TGFBR3: variants seen among roughly 807,000 people sequenced by gnomAD.
TGFBR3 encodes transforming growth factor beta receptor 3.
A neutral mutation model predicts 87.9 loss-of-function variants in TGFBR3; 46 were observed. The observed-to-expected ratio is 0.52, with a 90% CI of 0.41 to 0.67. The LOEUF (loss-of-function observed/expected upper bound fraction) is 0.67, where lower values mean the gene tolerates loss of function less well. Among genes scored for constraint, TGFBR3 ranks in the 30% least tolerant of loss-of-function variants. The pLI, the probability that TGFBR3 is intolerant of heterozygous loss-of-function variation, is 0.00. For missense variants in TGFBR3, 866 were observed against 1,041.9 expected, an observed-to-expected ratio of 0.83 and a Z score of 2.32; for synonymous variants, 381 against 391.6, an observed-to-expected ratio of 0.97 and a Z score of 0.32.
intron 14 of TGFBR3, among the ~76,000 whole-genome samples, chr1:91,701,764 C>A (rs1169796684): frequency 6.6e-6 from 1 of 152,112 alleles, no homozygotes; most frequent in East Asian, 1.9e-4. Flanking sequence ...CCAACTGGTA[C>A]CCACATCTAT....
chr1:91,725,756 T>C (rs1672528023), intron 7 of TGFBR3, among the ~76,000 whole-genome samples: 1 of 152,208 alleles, frequency 6.6e-6, no homozygotes, highest in South Asian at 2.1e-4. Flanking sequence ...GGAGTAGTAA[T>C]TGGAAATGGG....
At chr1:91,719,510 TTC>T in intron 9 of TGFBR3, 46 bp from the exon 10 acceptor site, 1 of 1,611,710 alleles carries the variant, frequency 6.2e-7, no homozygotes, top group South Asian at 1.1e-5. Context: ...CCACAGGCAG[TTC>T]TGTTGTATAA....
intron 2 of TGFBR3, among the ~76,000 whole-genome samples, chr1:91,834,527 G>A (rs10874996): frequency 0.29 from 43,552 of 151,982 alleles, 7,015 homozygotes; most frequent in African/African-American, 0.43. Flanking sequence ...TTTGAATACC[G>A]AACACCTACT....
At chr1:91,773,089 A>G (rs950686776) in intron 3 of TGFBR3, among the ~76,000 whole-genome samples, 1 of 152,144 alleles carries the variant, frequency 6.6e-6, no homozygotes, top group African/African-American at 2.4e-5. Context: ...CATTCATTTT[A>G]AAAAGGGGGT....
intron 2 of TGFBR3, among the ~76,000 whole-genome samples, chr1:91,822,228 C>T (rs924790407): frequency 4.4e-4 from 65 of 146,456 alleles, no homozygotes; most frequent in African/African-American, 1.6e-3. Flanking sequence ...TATTCTTCTA[C>T]TGCCAAACAG....
At chr1:91,780,113 A>C (rs1349072763) in intron 3 of TGFBR3, among the ~76,000 whole-genome samples, 1 of 152,120 alleles carries the variant, frequency 6.6e-6, no homozygotes, top group African/African-American at 2.4e-5. Context: ...CCTCCATCTC[A>C]CAATTCTTAA....
chr1:91,712,014 C>T (rs1671997008), intron 13 of TGFBR3, among the ~76,000 whole-genome samples: 1 of 152,146 alleles, frequency 6.6e-6, no homozygotes, highest in African/African-American at 2.4e-5. Flanking sequence ...TGATTTATCA[C>T]TCGTAAGGTA....
At chr1:91,702,318 T>C (rs1671648469) in intron 14 of TGFBR3, among the ~76,000 whole-genome samples, 1 of 152,132 alleles carries the variant, frequency 6.6e-6, no homozygotes, top group African/African-American at 2.4e-5. Context: ...TCCCCAGCAA[T>C]GCAACCTTCA....
intron 2 of TGFBR3, among the ~76,000 whole-genome samples, chr1:91,891,623 T>A (rs1412685207): frequency 6.6e-6 from 1 of 152,192 alleles, no homozygotes; most frequent in Non-Finnish European, 1.5e-5. Context: ...ATTTAAAGTT[T>A]GTCTAATACA....
rs574075836 is a variant in TGFBR3 at position 91,821,265 on chromosome 1, A to C, written c.62-23794T>G. On this transcript the variant is annotated intron_variant, in intron 2 of 16. Coordinates refer to ENST00000212355, the MANE Select transcript of TGFBR3 (RefSeq NM_003243.5). ...GAATCACTTGAACCTGGGAGACAGA[A>C]GTTGGAGTGAGCCGAGATCATGCCA... 1.4e-4 allele frequency among the ~76,000 whole-genome samples: 21 copies of C among 148,806 alleles called. No homozygotes were observed. In the South Asian group the frequency reaches 4.1e-3, roughly 29 times the overall value.
chr1:91,879,675 C>T (rs1678996968), intron 1 of TGFBR3, among the ~76,000 whole-genome samples: 1 of 152,126 alleles, frequency 6.6e-6, no homozygotes, highest in Non-Finnish European at 1.5e-5. Flanking sequence ...GAGAGCAAGA[C>T]ATCAAAATCA....
chr1:91,757,344 T>C (rs1673781100), intron 4 of TGFBR3, among the ~76,000 whole-genome samples: 1 of 152,274 alleles, frequency 6.6e-6, no homozygotes, highest in South Asian at 2.1e-4. Context: ...AGCGTCCATC[T>C]GCCCCACATT....
At chr1:91,712,865 T>C (rs549571721) in intron 12 of TGFBR3, among the ~76,000 whole-genome samples, 1 of 152,240 alleles carries the variant, frequency 6.6e-6, no homozygotes, top group South Asian at 2.1e-4. Flanking sequence ...ATTTTGCATT[T>C]AAAGTGGATT....
chr1:91,813,641 C>T (rs967029850), intron 2 of TGFBR3, among the ~76,000 whole-genome samples: 2 of 152,188 alleles, frequency 1.3e-5, no homozygotes, highest in African/African-American at 4.8e-5. Flanking sequence ...CCAGTGCTCC[C>T]TGGTCCAGGT....
At chr1:91,860,164 T>C (rs1678125589) in intron 2 of TGFBR3, among the ~76,000 whole-genome samples, 1 of 152,160 alleles carries the variant, frequency 6.6e-6, no homozygotes, top group Non-Finnish European at 1.5e-5. Flanking sequence ...ACCTAATCTC[T>C]CCATATCTCA....
chr1:91,716,160 G>A, intron 12 of TGFBR3, 76 bp downstream of exon 12: 1 of 1,568,982 alleles, frequency 6.4e-7, no homozygotes, highest in South Asian at 1.1e-5. Context: ...GGTCTGTACA[G>A]GGTATTTTAG....
rs773461003 is a variant in TGFBR3, at chr1:91,766,799, C to T, written c.247-8049G>A. ...TCCTAAGGGTTTTGTTTGAGAGTTG[C>T]ATGAGCAGATCCTGAATTCCAACGG... On this transcript the variant is annotated intron_variant, in intron 3 of 16. Coordinates refer to ENST00000212355, the MANE Select transcript of TGFBR3 (RefSeq NM_003243.5). Among the ~76,000 whole-genome samples the T allele has an allele frequency of 5.2e-5, 7 of 133,562 alleles. 2 individuals carry two copies. The highest frequency in any genetic ancestry group is 9.9e-5 in the Non-Finnish European group (6 of 60,886). 87.6% of individuals were successfully genotyped at this position (133,562 alleles called of 152,430 possible). A position where few individuals can be genotyped will look rare whatever the true frequency, so the allele number is the denominator to read the frequency against.
chr1:91,766,630 C>T (rs1674198473), intron 3 of TGFBR3, among the ~76,000 whole-genome samples: 1 of 133,194 alleles, frequency 7.5e-6, no homozygotes, highest in Non-Finnish European at 1.6e-5. Flanking sequence ...ACTGGGTTAA[C>T]AAGAATTCCG....
At chr1:91,905,551 GCCTCCC>G (rs1679827903) in intron 1 of TGFBR3, among the ~76,000 whole-genome samples, 1 of 152,130 alleles carries the variant, frequency 6.6e-6, no homozygotes, top group African/African-American at 2.4e-5. Flanking sequence ...TCGTGCCTCA[GCCTCCC>G]AAGTGGCTGG....
Sources: allele counts gnomAD v4.1 joint callset (sites outside exome capture counted in the v4.1 genomes callset), GRCh38; gene constraint gnomAD v4.1.1; transcripts MANE v1.5; gene names NCBI Gene and HGNC (gene_info 2026-07-23, HGNC 2026-07-21).